Variants in AKAP13 observed in about 807,000 individuals in gnomAD.
AKAP13 encodes A-kinase anchoring protein 13.
AKAP13 carries 80 observed loss-of-function variants against 264.5 expected under a neutral mutation model. The observed-to-expected ratio is 0.30, with a 90% CI of 0.25 to 0.36. The LOEUF (loss-of-function observed/expected upper bound fraction) is 0.36. Ranked by LOEUF, AKAP13 falls within the 10% of genes least tolerant of loss-of-function variation. The probability of loss-of-function intolerance (pLI) is 1.00; values close to 1 mark genes in which losing one functional copy is unlikely to be tolerated. For synonymous variants in AKAP13, 1,380 were observed against 1,250.2 expected (o/e 1.10, Z -2.19); for missense variants, 3,712 against 3,435.2 (o/e 1.08, Z -2.01).
intron 5 of AKAP13, among the ~76,000 whole-genome samples, chr15:85,545,093 G>C (rs1333144642): frequency 6.6e-6 from 1 of 152,148 alleles, no homozygotes; most frequent in Non-Finnish European, 1.5e-5. Context: ...ATACAGTGGT[G>C]GTAGGAGGGG....
intron 1 of AKAP13, among the ~76,000 whole-genome samples, chr15:85,468,235 A>G (rs1398582145): frequency 6.6e-6 from 1 of 152,206 alleles, no homozygotes; most frequent in East Asian, 1.9e-4. Context: ...TTTGCATTAC[A>G]TCTTTGAAAT....
chr15:85,473,343 G>C (rs1339313988), intron 1 of AKAP13, among the ~76,000 whole-genome samples: 4 of 152,144 alleles, frequency 2.6e-5, no homozygotes, highest in African/African-American at 9.7e-5. Context: ...AAGAGAAGAT[G>C]TAAACCACGC....
At chr15:85,417,127 CT>C (rs1297232878) in intron 1 of AKAP13, among the ~76,000 whole-genome samples, 3 of 152,052 alleles carry the variant, frequency 2.0e-5, no homozygotes, top group African/African-American at 7.2e-5. Context: ...CAAAAGGTAA[CT>C]TTTTTCTTTG....
intron 1 of AKAP13, among the ~76,000 whole-genome samples, chr15:85,433,117 G>GTTTTTTTTTTTTTTTTTTTTT (rs199655190): frequency 7.5e-5 from 4 of 53,230 alleles, no homozygotes; most frequent in African/African-American, 2.4e-4. Context: ...CTTCTGTACA[G>GTTTTTTTTTTTTTTTTTTTTT]TTTTTTTTTT....
intron 5 of AKAP13, among the ~76,000 whole-genome samples, chr15:85,573,608 G>A (rs1025885441): frequency 6.6e-6 from 1 of 151,518 alleles, no homozygotes; most frequent in African/African-American, 2.4e-5. Context: ...AGGTGTTAAT[G>A]TTGTAAGGAA....
intron 8 of AKAP13, among the ~76,000 whole-genome samples, chr15:85,636,618 T>TTA (rs1339953737): frequency 6.6e-6 from 1 of 151,766 alleles, no homozygotes; most frequent in Non-Finnish European, 1.5e-5. Context: ...TTTGCTGATT[T>TTA]TTTTTTTTTC....
chr15:85,524,895 G>GTGTT (rs1555439478), intron 3 of AKAP13, among the ~76,000 whole-genome samples: 1 of 151,362 alleles, frequency 6.6e-6, no homozygotes, highest in Non-Finnish European at 1.5e-5. Context: ...GTGTGTGTGT[G>GTGTT]TGTGTGTCTG....
intron 6 of AKAP13, 114 bp from the exon 7 acceptor site, chr15:85,578,816 C>T (rs535840620): frequency 2.1e-6 from 2 of 938,904 alleles, no homozygotes; most frequent in Non-Finnish European, 3.2e-6. Flanking sequence ...ATCATGTGAC[C>T]TTAGAAGAGC....
At chr15:85,622,963 T>C (rs931292689) in intron 8 of AKAP13, among the ~76,000 whole-genome samples, 20 of 152,192 alleles carry the variant, frequency 1.3e-4, no homozygotes, top group Admixed American at 1.1e-3. Flanking sequence ...TCTACAATAC[T>C]TAGGATAGGT....
In AKAP13 at chr15:85,745,467, C is replaced by G. The variant is rs1281715345; in HGVS notation, c.*790C>G. 1.3e-5 allele frequency: 2 copies of G among 152,124 alleles called. No homozygotes were observed. Among genetic ancestry groups the G allele is most frequent in the Non-Finnish European group, 2.9e-5 (2 of 68,024 alleles). 9.4% of individuals were successfully genotyped at this position (152,124 alleles called of 1,614,324 possible). A position where few individuals can be genotyped will look rare whatever the true frequency, so the allele number is the denominator to read the frequency against. Reference sequence around the variant, plus strand: ...CTGTCATCAGATCCAGAAGAAATATCCTGGTTTTCCAGCATGTTTACCCAC... The same window carrying G: ...CTGTCATCAGATCCAGAAGAAATATGCTGGTTTTCCAGCATGTTTACCCAC... On this transcript the variant is annotated 3_prime_UTR_variant, in exon 37 of 37. Transcript: ENST00000394518.
intron 8 of AKAP13, among the ~76,000 whole-genome samples, chr15:85,638,705 C>G (rs1236977680): frequency 2.0e-5 from 3 of 151,132 alleles, no homozygotes; most frequent in African/African-American, 7.3e-5. Flanking sequence ...TAGAATAACA[C>G]AGACTTGGCA....
chr15:85,708,078 A>G lies in AKAP13; in HGVS notation c.5524A>G (p.Lys1842Glu). The G allele has an allele frequency of 6.2e-7, 1 of 1,613,794 alleles. No individual in the cohort carries two copies. Among genetic ancestry groups the G allele is most frequent in the Non-Finnish European group, 8.5e-7 (1 of 1,179,766 alleles). Residue 1842 changes from lysine to glutamate, a missense_variant, in exon 18 of 37, where the codon AAA (lysine) becomes GAA (glutamate). Transcript: ENST00000394518. The surrounding 1 kb of genome is among the most constrained non-coding windows in gnomAD (Gnocchi z 4.3). Reference protein sequence around the residue: ...RESLASCAKVKMKQPKGSLQA... With the variant: ...RESLASCAKVEMKQPKGSLQA... ...AAGTCTAGCCTCCTGTGCAAAGGTC[A>G]AAATGAAGGTAAGACTTTCTGGCTA...
At chr15:85,518,706 G>A (rs1012473887) in intron 2 of AKAP13, among the ~76,000 whole-genome samples, 3 of 152,118 alleles carry the variant, frequency 2.0e-5, no homozygotes, top group Admixed American at 6.6e-5. Flanking sequence ...GCGCATGCCT[G>A]TTGTCCCAGC....
chr15:85,499,373 T>G (rs2075979866), intron 2 of AKAP13, among the ~76,000 whole-genome samples: 1 of 152,232 alleles, frequency 6.6e-6, no homozygotes, highest in Non-Finnish European at 1.5e-5. Flanking sequence ...CCCATATGCT[T>G]TGCAGTAGTA....
intron 1 of AKAP13, among the ~76,000 whole-genome samples, chr15:85,452,615 G>C (rs1939808647): frequency 2.6e-5 from 4 of 152,160 alleles, no homozygotes; most frequent in Admixed American, 2.6e-4. Flanking sequence ...TCTTGTTTCT[G>C]GTTTCAGAGG....
intron 1 of AKAP13, among the ~76,000 whole-genome samples, chr15:85,393,049 A>G (rs1362850715): frequency 6.6e-6 from 1 of 152,190 alleles, no homozygotes; most frequent in Non-Finnish European, 1.5e-5. Flanking sequence ...GGTATCTGTA[A>G]ATTAATCTAT....
chr15:85,524,473 C>G (rs892572495), intron 3 of AKAP13, among the ~76,000 whole-genome samples: 1 of 151,604 alleles, frequency 6.6e-6, no homozygotes, highest in East Asian at 1.9e-4. Context: ...CGTGCCCAGC[C>G]TCTTCTTGCT....
chr15:85,514,143 A>G (rs1429082132), intron 2 of AKAP13, among the ~76,000 whole-genome samples: 2 of 137,228 alleles, frequency 1.5e-5, no homozygotes, highest in Non-Finnish European at 3.1e-5. Context: ...TTTTTGCCAG[A>G]GTGAATCTTT....
intron 2 of AKAP13, among the ~76,000 whole-genome samples, chr15:85,498,031 C>T (rs60803479): frequency 0.16 from 23,995 of 151,588 alleles, 2,962 homozygotes; most frequent in African/African-American, 0.33. Context: ...GACTGAAAAC[C>T]TCAAGGAGCC....
Sources: allele counts gnomAD v4.1 joint callset (sites outside exome capture counted in the v4.1 genomes callset), GRCh38; gene constraint gnomAD v4.1.1; non-coding constraint Gnocchi (gnomAD v3.1); transcripts MANE v1.5; gene names NCBI Gene and HGNC (gene_info 2026-07-23, HGNC 2026-07-21).